Variants in CACNA2D1 observed in about 807,000 individuals in gnomAD.
CACNA2D1 encodes calcium voltage-gated channel auxiliary subunit alpha2delta 1.
Under a neutral mutation model 171.5 loss-of-function variants are expected in CACNA2D1, and 53 were observed. The ratio of observed to expected loss-of-function variants is 0.31; its 90% CI spans 0.25 to 0.39. The LOEUF (loss-of-function observed/expected upper bound fraction) is 0.39. Ranked by LOEUF, CACNA2D1 falls within the 10% of genes least tolerant of loss-of-function variation. The pLI is 1.00. For missense variants in CACNA2D1, 903 were observed against 1,299.8 expected (o/e 0.69, Z 4.69); for synonymous variants, 442 against 443.1 (o/e 1.00, Z 0.03).
At chr7:82,100,638 G>A (rs721172) in intron 6 of CACNA2D1, among the ~76,000 whole-genome samples, 1 of 152,152 alleles carries the variant, frequency 6.6e-6, no homozygotes, top group Non-Finnish European at 1.5e-5. Flanking sequence ...TCAATGCACA[G>A]CTTGCTGGAA....
chr7:82,263,875 A>G (rs894401336), intron 3 of CACNA2D1, among the ~76,000 whole-genome samples: 1 of 152,192 alleles, frequency 6.6e-6, no homozygotes, highest in Non-Finnish European at 1.5e-5. Flanking sequence ...AAAATGAAAC[A>G]TGCTACAATA....
At chr7:82,231,649 T>A (rs1442094013) in intron 3 of CACNA2D1, among the ~76,000 whole-genome samples, 1 of 152,116 alleles carries the variant, frequency 6.6e-6, no homozygotes, top group Non-Finnish European at 1.5e-5. Flanking sequence ...CAGATTTTTT[T>A]AAAAACTGCC....
intron 3 of CACNA2D1, among the ~76,000 whole-genome samples, chr7:82,290,103 G>A (rs1287126066): frequency 6.6e-6 from 1 of 152,032 alleles, no homozygotes; most frequent in African/African-American, 2.4e-5. Context: ...AAGTAATTGC[G>A]GTTTTTGCCA....
intron 3 of CACNA2D1, among the ~76,000 whole-genome samples, chr7:82,179,588 T>C (rs1266204506): frequency 6.6e-6 from 1 of 151,076 alleles, no homozygotes. Context: ...CCTAAAATGG[T>C]TGTTTTATGT....
In CACNA2D1 at chr7:82,426,833, C is replaced by T. The variant is rs111744810; in HGVS notation, c.95+16532G>A. Among the ~76,000 whole-genome samples the T allele has an allele frequency of 6.6e-5, 10 of 152,232 alleles. 1 individual carries two copies. The highest frequency in any genetic ancestry group is 2.4e-4 in the African/African-American group (10 of 41,554). On this transcript the variant is annotated intron_variant, in intron 1 of 38. Transcript: ENST00000356860. ...CCCCCTACCCTTATTCAAGGTTTTG[C>T]TCTCTCTCTTTCTGGGGTTTCAGTT... is the stretch of plus-strand genomic sequence containing the variant.
intron 4 of CACNA2D1, among the ~76,000 whole-genome samples, chr7:82,156,424 C>CTT (rs1794378636): frequency 6.6e-6 from 1 of 152,094 alleles, no homozygotes; most frequent in Admixed American, 6.6e-5. Context: ...ATAGATCAGT[C>CTT]TTTTCCAAGG....
intron 6 of CACNA2D1, among the ~76,000 whole-genome samples, chr7:82,099,401 T>C (rs1812348461): frequency 6.8e-6 from 1 of 146,916 alleles, no homozygotes. Flanking sequence ...TTACATACTC[T>C]AAAACAGGTA....
At chr7:82,405,329 T>A (rs900405465) in intron 1 of CACNA2D1, among the ~76,000 whole-genome samples, 30 of 152,174 alleles carry the variant, frequency 2.0e-4, no homozygotes, top group African/African-American at 7.2e-4. Context: ...CTTTTACTAA[T>A]AAAAGGACAT....
rs748021313 is a variant in CACNA2D1, at chr7:81,961,354, CTG to C, written c.2966+538_2966+539del. ...TAACATTAACCATGACCTAAAAAAA[CTG>C]TATTTTTCCCAGTTCCTTCAAATTC... On this transcript the variant is annotated intron_variant, in intron 36 of 38. Transcript: ENST00000356860. Among the ~76,000 whole-genome samples the C allele has an allele frequency of 1.3e-3, 192 of 151,984 alleles. 5 individuals carry two copies. Among genetic ancestry groups the C allele is most frequent in the East Asian group, 8.0e-3 (41 of 5,136 alleles).
At chr7:82,418,672 T>C (rs1390878874) in intron 1 of CACNA2D1, among the ~76,000 whole-genome samples, 1 of 152,116 alleles carries the variant, frequency 6.6e-6, no homozygotes, top group Non-Finnish European at 1.5e-5. Flanking sequence ...GTGTCATTCT[T>C]GTAAGTGCAC....
intron 18 of CACNA2D1, chr7:82,001,562 G>A (rs1364906322): frequency 5.7e-6 from 2 of 353,832 alleles, no homozygotes; most frequent in Non-Finnish European, 1.1e-5. Context: ...GTCAGGAAAG[G>A]CAGCTTTAAT....
chr7:82,179,829 T>C (rs1183540181), intron 3 of CACNA2D1, among the ~76,000 whole-genome samples: 1 of 152,018 alleles, frequency 6.6e-6, no homozygotes, highest in Non-Finnish European at 1.5e-5. Context: ...GAAGCTATTA[T>C]ATATTAAAAA....
intron 1 of CACNA2D1, among the ~76,000 whole-genome samples, chr7:82,394,919 C>G (rs1226757808): frequency 6.7e-6 from 1 of 150,288 alleles, no homozygotes; most frequent in Non-Finnish European, 1.5e-5. Flanking sequence ...GGGCCTTTCT[C>G]TAAAACACCA....
intron 3 of CACNA2D1, among the ~76,000 whole-genome samples, chr7:82,224,531 C>CA (rs1464842490): frequency 6.6e-6 from 1 of 151,922 alleles, no homozygotes; most frequent in African/African-American, 2.4e-5. Context: ...TGCAGTGAGC[C>CA]AAGATCGCAC....
At chr7:82,229,781 T>G (rs1427385949) in intron 3 of CACNA2D1, among the ~76,000 whole-genome samples, 3 of 152,036 alleles carry the variant, frequency 2.0e-5, no homozygotes. Flanking sequence ...CCTCCCTTCT[T>G]GCCCTCCCAA....
intron 5 of CACNA2D1, among the ~76,000 whole-genome samples, chr7:82,127,313 T>C (rs903777580): frequency 1.3e-5 from 2 of 152,190 alleles, no homozygotes; most frequent in Non-Finnish European, 2.9e-5. Context: ...TAGTAAAAGC[T>C]AGCTTTATTA....
chr7:82,057,967 T>C (rs1178930409), intron 10 of CACNA2D1, among the ~76,000 whole-genome samples: 1 of 152,190 alleles, frequency 6.6e-6, no homozygotes, highest in African/African-American at 2.4e-5. Context: ...TTAAGAATCA[T>C]TGACTGGATA....
chr7:82,261,648 C>T (rs148385628), intron 3 of CACNA2D1, among the ~76,000 whole-genome samples: 1 of 151,936 alleles, frequency 6.6e-6, no homozygotes, highest in Non-Finnish European at 1.5e-5. Flanking sequence ...AAGATTATAA[C>T]CAACATATAG....
intron 1 of CACNA2D1, among the ~76,000 whole-genome samples, chr7:82,412,918 C>A (rs1312440678): frequency 2.6e-5 from 4 of 151,910 alleles, no homozygotes; most frequent in African/African-American, 9.7e-5. Flanking sequence ...CGTTATTTTT[C>A]TCAAATGACA....
Sources: gnomAD v4.1 joint callset for allele counts (sites outside exome capture counted in the v4.1 genomes callset) on GRCh38, gnomAD v4.1.1 for gene constraint, MANE v1.5 for transcripts, NCBI Gene and HGNC (gene_info 2026-07-23, HGNC 2026-07-21) for gene names.